Variants in FNIP2 observed in about 807,000 individuals in gnomAD.
FNIP2 encodes folliculin-interacting protein 2.
In FNIP2, 32 loss-of-function variants were observed where a neutral mutation model predicts 108.7. The observed-to-expected ratio is 0.29, with a 90% CI of 0.22 to 0.40. FNIP2 has a LOEUF of 0.40. FNIP2 is among the 10% of genes least tolerant of loss of function. FNIP2 has a pLI of 1.00. For missense variants in FNIP2, 1,202 were observed against 1,381.6 expected (o/e 0.87, Z 2.06); for synonymous variants, 480 against 496.7 (o/e 0.97, Z 0.45).
At chr4:158,774,159 A>T (rs1387067838) in intron 1 of FNIP2, among the ~76,000 whole-genome samples, 5 of 152,238 alleles carry the variant, frequency 3.3e-5, no homozygotes, top group Non-Finnish European at 7.3e-5. Flanking sequence ...AAAGCAAGTT[A>T]TAAATTTATG....
At chr4:158,859,333 A>G in intron 9 of FNIP2, 75 bp downstream of exon 9, 9 of 1,430,450 alleles carry the variant, frequency 6.3e-6, no homozygotes, top group Non-Finnish European at 8.6e-6. Flanking sequence ...TTCTTTGCCG[A>G]TGTATCAGAT....
At chr4:158,883,304 C>T (rs1781806160) in intron 14 of FNIP2, among the ~76,000 whole-genome samples, 3 of 152,004 alleles carry the variant, frequency 2.0e-5, no homozygotes, top group Non-Finnish European at 4.4e-5. Flanking sequence ...TGCAGTGGCG[C>T]AGTCTCGGCT....
At chr4:158,790,080 T>C (rs1578826326) in intron 1 of FNIP2, among the ~76,000 whole-genome samples, 1 of 152,080 alleles carries the variant, frequency 6.6e-6, no homozygotes, top group East Asian at 2.0e-4. Flanking sequence ...AAAAATATTA[T>C]ATACAATTAC....
Position 158,861,674 on chromosome 4 carries a change from G to T in FNIP2, c.1363G>T (p.Val455Leu). 1.2e-6 allele frequency: 2 copies of T among 1,614,042 alleles called. No homozygotes were observed. Among genetic ancestry groups the T allele is most frequent in the Non-Finnish European group, 1.7e-6 (2 of 1,179,904 alleles). Residue 455 changes from valine to leucine, a missense_variant, in exon 12 of 17, where the codon GTG becomes TTG. Physicochemically the swap from Val to Leu is conservative, Grantham distance 32. This residue lies in a region of FNIP2 where 878 missense variants were observed against 990.3 expected (regional missense o/e 0.89). Transcript: ENST00000264433. The stretch of plus-strand genomic sequence containing the variant: ...GGCCTGGGTCCCAACTGTCATGCCT[G>T]TGGATCACCCTCCCATCAAAGCCTT... ...HLAWVPTVMPVDHPPIKAFSE... is the reference protein window; with the variant it reads ...HLAWVPTVMPLDHPPIKAFSE...
intron 1 of FNIP2, among the ~76,000 whole-genome samples, chr4:158,794,379 C>T (rs1269026010): frequency 6.6e-6 from 1 of 152,142 alleles, no homozygotes; most frequent in Non-Finnish European, 1.5e-5. Context: ...TGGTCTTGAA[C>T]TCCTGAACTC....
intron 6 of FNIP2, 183 bp downstream of exon 6, chr4:158,833,811 A>T: frequency 6.6e-7 from 1 of 1,515,488 alleles, no homozygotes; most frequent in South Asian, 1.2e-5. Flanking sequence ...GTCTGCTGCA[A>T]GCATGCAGCA....
At chr4:158,829,250 T>C in intron 3 of FNIP2, 25 bp downstream of exon 3, 2 of 1,576,154 alleles carry the variant, frequency 1.3e-6, no homozygotes. Flanking sequence ...TCTGTGGGAA[T>C]AGCCCCTGAG....
At chr4:158,781,553 C>T (rs58027849) in intron 1 of FNIP2, among the ~76,000 whole-genome samples, 10,900 of 152,104 alleles carry the variant, frequency 0.072, 574 homozygotes, top group African/African-American at 0.14. Flanking sequence ...CTCACTCTGT[C>T]GCCCAGGCTG....
intron 15 of FNIP2, among the ~76,000 whole-genome samples, chr4:158,895,278 A>G (rs911149132): frequency 7.9e-5 from 12 of 152,350 alleles, no homozygotes; most frequent in African/African-American, 2.9e-4. Context: ...CTGGGCCAGA[A>G]TAATCTGAGC....
intron 14 of FNIP2, among the ~76,000 whole-genome samples, chr4:158,879,503 C>T (rs1781468324): frequency 6.7e-6 from 1 of 150,258 alleles, no homozygotes; most frequent in African/African-American, 2.5e-5. Flanking sequence ...GCTGATGACC[C>T]CTTCAGCATA....
At chr4:158,797,628 G>A (rs1776630711) in intron 1 of FNIP2, among the ~76,000 whole-genome samples, 1 of 152,176 alleles carries the variant, frequency 6.6e-6, no homozygotes, top group Admixed American at 6.5e-5. Context: ...CGAGCCTAGA[G>A]GTCGAGGCTG....
chr4:158,885,340 A>T (rs1781971951), intron 14 of FNIP2, among the ~76,000 whole-genome samples: 1 of 152,154 alleles, frequency 6.6e-6, no homozygotes, highest in Non-Finnish European at 1.5e-5. Context: ...GGAACTGAAT[A>T]TGTACAGATT....
At chr4:158,840,625 A>T (rs1426058631) in intron 7 of FNIP2, among the ~76,000 whole-genome samples, 1 of 152,130 alleles carries the variant, frequency 6.6e-6, no homozygotes, top group Non-Finnish European at 1.5e-5. Flanking sequence ...CAAACTCCTG[A>T]CCTCAGGTGA....
chr4:158,777,803 T>C (rs1253138692), intron 1 of FNIP2, among the ~76,000 whole-genome samples: 1 of 152,216 alleles, frequency 6.6e-6, no homozygotes. Context: ...AAATTGCTTA[T>C]ACATGAAATT....
chr4:158,867,830 G>T (rs962200495), intron 12 of FNIP2, among the ~76,000 whole-genome samples: 1 of 152,206 alleles, frequency 6.6e-6, no homozygotes, highest in African/African-American at 2.4e-5. Flanking sequence ...CTGAGCTGCA[G>T]GGAAGACCCA....
intron 15 of FNIP2, among the ~76,000 whole-genome samples, chr4:158,892,447 C>T (rs1049259737): frequency 6.6e-6 from 1 of 152,242 alleles, no homozygotes; most frequent in Non-Finnish European, 1.5e-5. Flanking sequence ...CAGACAGAGC[C>T]TATACACTCT....
chr4:158,791,088 G>A (rs1369692730), intron 1 of FNIP2, among the ~76,000 whole-genome samples: 1 of 150,870 alleles, frequency 6.6e-6, no homozygotes, highest in East Asian at 1.9e-4. Context: ...AGGGTAACAA[G>A]GGAGGTGGAG....
rs375452697 is a variant in FNIP2, at chr4:158,868,650, G to A, written c.2014G>A (p.Gly672Arg). The A allele has an allele frequency of 2.4e-4, 388 of 1,614,026 alleles. No individual in the cohort carries two copies. Among genetic ancestry groups the A allele is most frequent in the Non-Finnish European group, 3.1e-4 (371 of 1,179,904 alleles). Residue 672 changes from glycine (G) to arginine (R), a missense_variant, in exon 13 of 17, where the codon GGG (glycine) becomes AGG (arginine). Transcript: ENST00000264433. This position sits in a 1 kb window ranked among gnomAD's most constrained non-coding sequence, Gnocchi z 4.6. ...SSRLPSCEVL[G>R]AGMKMDQQAV... is the part of the protein sequence containing the mutation. The stretch of plus-strand genomic sequence containing the variant: ...AAGACTTCCCAGCTGTGAAGTTTTG[G>A]GGGCAGGAATGAAGATGGACCAGCA...
At chr4:158,833,846 A>T in intron 6 of FNIP2, 1 of 1,494,104 alleles carries the variant, frequency 6.7e-7, no homozygotes, top group Non-Finnish European at 8.9e-7. Context: ...GGGGTAGCTG[A>T]AGGAGGACCT....
Sources: gnomAD v4.1 joint callset for allele counts (sites outside exome capture counted in the v4.1 genomes callset) on GRCh38, gnomAD v4.1.1 for gene constraint, gnomAD v4.1.1 regional missense constraint, Gnocchi (gnomAD v3.1) non-coding constraint, MANE v1.5 for transcripts, NCBI Gene and HGNC (gene_info 2026-07-23, HGNC 2026-07-21) for gene names.